The following PGM2 variants were observed in gnomAD, a reference collection of about 807,000 sequenced individuals.
PGM2 encodes phosphoglucomutase 2, also known as phosphopentomutase.
PGM2 carries 57 observed loss-of-function variants against 74.6 expected under a neutral mutation model. The observed-to-expected ratio is 0.76, with a 90% CI of 0.62 to 0.95. PGM2 has a LOEUF of 0.95. Among genes scored for constraint, PGM2 ranks in the 40% least tolerant of loss-of-function variants. PGM2 has a pLI of 0.00. For synonymous variants in PGM2, 273 were observed against 260.7 expected (o/e 1.05, Z -0.46); for missense variants, 706 against 741.9 (o/e 0.95, Z 0.56).
intron 13 of PGM2, among the ~76,000 whole-genome samples, chr4:37,857,333 C>T (rs6531591): frequency 0.68 from 103,056 of 152,004 alleles, 36,059 homozygotes; most frequent in African/African-American, 0.86. Flanking sequence ...TTTCCAGCCT[C>T]GTGAATCAAA....
chr4:37,835,170 T>C (rs1478450317), intron 3 of PGM2, among the ~76,000 whole-genome samples: 2 of 152,232 alleles, frequency 1.3e-5, no homozygotes, highest in African/African-American at 4.8e-5. Context: ...AGCAATCATT[T>C]GAGTGCTGAT....
In PGM2 at chr4:37,830,108, T is replaced by C. The variant is rs1448183472; in HGVS notation, c.226T>C (p.Leu76=). 1.3e-6 allele frequency: 2 copies of C among 1,592,508 alleles called. No individual in the cohort carries two copies. The highest frequency in any genetic ancestry group is 3.6e-5 in the Admixed American group (2 of 56,272). The part of the protein sequence containing the change: ...MGPGISRMND[L]TIIQTTQGFC... The stretch of plus-strand genomic sequence containing the variant: ...ACCTGGAATTTCTCGTATGAATGAC[T>C]TGACCATCATCCAGACTACACAGGT... Residue 76 remains leucine (L), a synonymous_variant, in exon 2 of 14, where the codon TTG becomes CTG. Transcript: ENST00000381967.
chr4:37,844,546 G>A lies in PGM2; in HGVS notation c.902G>A (p.Gly301Asp). The part of the protein sequence containing the change: ...VKYPNPEEGK[G>D]VLTLSFALAD... ...TACCCGAATCCCGAAGAGGGGAAAG[G>A]TGTCTTGGTAACCTAATTTTTTTTT... The change falls in exon 7 of 14, where the codon GGT (glycine) becomes GAT (aspartate). Residue 301 changes from glycine to aspartate, a missense_variant. Physicochemically the swap from Gly to Asp is moderately conservative, Grantham distance 94 (BLOSUM62 -1). Coordinates refer to ENST00000381967, the MANE Select transcript of PGM2 (RefSeq NM_018290.4). The A allele has an allele frequency of 6.3e-7, 1 of 1,598,180 alleles. No individual in the cohort carries two copies. Among genetic ancestry groups the A allele is most frequent in the Non-Finnish European group, 8.5e-7 (1 of 1,172,384 alleles).
intron 11 of PGM2, among the ~76,000 whole-genome samples, 181 bp from the exon 12 acceptor site, chr4:37,850,003 G>A: frequency 6.6e-6 from 1 of 151,754 alleles, no homozygotes; most frequent in African/African-American, 2.4e-5. Context: ...GGCCAGGTTG[G>A]TCTCATACTC....
intron 13 of PGM2, among the ~76,000 whole-genome samples, chr4:37,858,347 G>GTT (rs891165896): frequency 9.8e-6 from 1 of 102,022 alleles, no homozygotes; most frequent in Non-Finnish European, 2.0e-5. Flanking sequence ...TTTGTTTTTT[G>GTT]TTTTTTTTTT....
In PGM2 at chr4:37,830,011, T is replaced by C. The variant is rs1368245283; in HGVS notation, c.129T>C (p.Asn43=). 1 of 1,609,718 alleles carries C rather than the reference T, an allele frequency of 6.2e-7. No individual in the cohort carries two copies. The highest frequency in any genetic ancestry group is 2.2e-5 in the East Asian group (1 of 44,662). The change falls in exon 2 of 14, where the codon AAT becomes AAC. Residue 43 remains asparagine, a synonymous_variant. Coordinates refer to ENST00000381967, the MANE Select transcript of PGM2 (RefSeq NM_018290.4). The stretch of plus-strand genomic sequence containing the variant: ...TGAAACGACTAATAGCAGAAGGTAA[T>C]AAAGAAGAACTACGAAAATGTTTTG... ...EAVKRLIAEG[N]KEELRKCFGA...
At chr4:37,827,163 G>A (rs1725314635) in intron 1 of PGM2, among the ~76,000 whole-genome samples, 1 of 152,244 alleles carries the variant, frequency 6.6e-6, no homozygotes, top group East Asian at 1.9e-4. Flanking sequence ...CAGACCGCTG[G>A]CTCGTCGTCG....
chr4:37,830,132 G>A lies in PGM2; in HGVS notation c.249+1G>A. Reference sequence around the variant, plus strand: ...CTTGACCATCATCCAGACTACACAGGTACCATGTTTTTTATAATTCTTAGT... The same window carrying A: ...CTTGACCATCATCCAGACTACACAGATACCATGTTTTTTATAATTCTTAGT... On this transcript the variant is annotated splice_donor_variant, in intron 2 of 13. Transcript: ENST00000381967. LOFTEE classifies it high-confidence loss of function. The A allele has an allele frequency of 6.5e-7, 1 of 1,540,236 alleles. No homozygotes were observed. Among genetic ancestry groups the A allele is most frequent in the Non-Finnish European group, 8.7e-7 (1 of 1,145,648 alleles).
chr4:37,855,876 A>G, intron 13 of PGM2, 135 bp downstream of exon 13: 1 of 677,872 alleles, frequency 1.5e-6, no homozygotes, highest in Non-Finnish European at 2.3e-6. Context: ...ACCTGCACTA[A>G]TATTTTGGTA....
chr4:37,851,488 T>C (rs78650855), intron 12 of PGM2, among the ~76,000 whole-genome samples: 2 of 151,874 alleles, frequency 1.3e-5, no homozygotes, highest in African/African-American at 2.4e-5. Flanking sequence ...CTTTCTATGT[T>C]GGGGTTGGGG....
rs531244058 is a variant in PGM2 at position 37,850,331 on chromosome 4, C to T, written c.1560C>T (p.Asp520=). The T allele has an allele frequency of 4.4e-6, 7 of 1,579,208 alleles. No homozygotes were observed. The South Asian group carries it at 7.2e-5, about 16-fold the overall frequency. ...AATTTGAAATTTCTGCCATTAGGGA[C>T]CTTACAACTGGCTATGATGATAGCC... is the stretch of plus-strand genomic sequence containing the variant. ...CGKFEISAIR[D]LTTGYDDSQP... is the part of the protein sequence containing the mutation. Residue 520 remains aspartate (D), a synonymous_variant, in exon 12 of 14, where the codon GAC becomes GAT. Transcript: ENST00000381967.
intron 3 of PGM2, among the ~76,000 whole-genome samples, chr4:37,836,356 G>A (rs1725566934): frequency 6.6e-6 from 1 of 152,172 alleles, no homozygotes. Flanking sequence ...ACCAACACAT[G>A]GTAAAATATT....
At chr4:37,841,016 A>G (rs1465822357) in intron 6 of PGM2, among the ~76,000 whole-genome samples, 3 of 142,958 alleles carry the variant, frequency 2.1e-5, no homozygotes, top group African/African-American at 2.6e-5. Context: ...AAAGTCTTGA[A>G]TAGCAAACAC....
intron 13 of PGM2, among the ~76,000 whole-genome samples, chr4:37,860,686 C>T (rs749657114): frequency 1.2e-4 from 18 of 152,158 alleles, no homozygotes; most frequent in Non-Finnish European, 2.1e-4. Context: ...ATGGAAAGTA[C>T]AAAGGATTTA....
At chr4:37,826,904 C>A (rs1193228383) in intron 1 of PGM2, 91 bp downstream of exon 1, 2 of 769,354 alleles carry the variant, frequency 2.6e-6, no homozygotes, top group Non-Finnish European at 4.2e-6. Flanking sequence ...GCCTGAGCTG[C>A]CTTCCCGCCC....
chr4:37,827,476 C>T (rs928955898), intron 1 of PGM2, among the ~76,000 whole-genome samples: 1 of 151,990 alleles, frequency 6.6e-6, no homozygotes, highest in Non-Finnish European at 1.5e-5. Flanking sequence ...GCGTCTCGCC[C>T]TTTCGACCTG....
At chr4:37,826,973 C>T (rs1392142236) in intron 1 of PGM2, among the ~76,000 whole-genome samples, 160 bp downstream of exon 1, 1 of 152,266 alleles carries the variant, frequency 6.6e-6, no homozygotes, top group Middle Eastern at 3.2e-3. Context: ...GCTAGGCTTC[C>T]TTCGACCTGG....
intron 4 of PGM2, among the ~76,000 whole-genome samples, chr4:37,838,611 C>T (rs1173081041): frequency 6.6e-6 from 1 of 152,136 alleles, no homozygotes; most frequent in African/African-American, 2.4e-5. Flanking sequence ...GGCTCTAGTG[C>T]ACTGACAGGT....
chr4:37,844,577 A>G, intron 7 of PGM2, 24 bp downstream of exon 7: 7 of 1,393,486 alleles, frequency 5.0e-6, no homozygotes, highest in Non-Finnish European at 7.0e-6. Flanking sequence ...TTTTTAAATT[A>G]TGAAATCTGC....
Sources: allele counts gnomAD v4.1 joint callset (sites outside exome capture counted in the v4.1 genomes callset), GRCh38; gene constraint gnomAD v4.1.1; transcripts MANE v1.5; gene names NCBI Gene and HGNC (gene_info 2026-07-23, HGNC 2026-07-21).